MARCHF6: variants seen among roughly 807,000 people sequenced by gnomAD.
The protein encoded by MARCHF6 is membrane associated ring-CH-type finger 6, also known as E3 ubiquitin-protein ligase MARCHF6.
In MARCHF6, 31 loss-of-function variants were observed where a neutral mutation model predicts 133.7. The observed-to-expected ratio is 0.23, with a 90% CI of 0.17 to 0.31. The LOEUF is 0.31. Among genes scored for constraint, MARCHF6 ranks in the 10% least tolerant of loss-of-function variants. The probability of loss-of-function intolerance (pLI) is 1.00; values close to 1 mark genes in which losing one functional copy is unlikely to be tolerated. For synonymous variants in MARCHF6, 395 were observed against 402.5 expected (o/e 0.98, Z 0.22); for missense variants, 723 against 1,121.6 (o/e 0.64, Z 5.08).
In MARCHF6 at chr5:10,429,995, T is replaced by G; in HGVS notation, c.2609T>G (p.Phe870Cys). 1 of 1,613,618 alleles carries G rather than the reference T, an allele frequency of 6.2e-7. No individual in the cohort carries two copies. The highest frequency in any genetic ancestry group is 8.5e-7 in the Non-Finnish European group (1 of 1,179,538). ...MAILSFQVRQFKRLYEHIKND... is the reference protein window; with the variant it reads ...MAILSFQVRQCKRLYEHIKND... ...ATTTTGTCCTTCCAAGTCCGCCAGT[T>G]TAAGCGCCTTTATGAACATATTAAA... Residue 870 changes from phenylalanine to cysteine, a missense_variant, in exon 25 of 26, where the codon TTT becomes TGT. Coordinates refer to ENST00000274140, the MANE Select transcript of MARCHF6 (RefSeq NM_005885.4).
intron 4 of MARCHF6, among the ~76,000 whole-genome samples, chr5:10,385,096 G>A (rs531017389): frequency 3.3e-5 from 5 of 152,196 alleles, no homozygotes; most frequent in Non-Finnish European, 7.4e-5. Context: ...GCACAAAATC[G>A]TATGATTGCA....
intron 25 of MARCHF6, among the ~76,000 whole-genome samples, chr5:10,431,626 AGTGT>A (rs10574367): frequency 0.012 from 1,713 of 148,344 alleles, 24 homozygotes; most frequent in African/African-American, 0.027. Context: ...AGAGTGAGTG[AGTGT>A]GTGTGTGTGT....
At chr5:10,373,410 AGT>A (rs1215975413) in intron 1 of MARCHF6, among the ~76,000 whole-genome samples, 1 of 151,934 alleles carries the variant, frequency 6.6e-6, no homozygotes, top group Non-Finnish European at 1.5e-5. Context: ...TCCTGTGGTG[AGT>A]GTGCCCTGGA....
intron 17 of MARCHF6, among the ~76,000 whole-genome samples, chr5:10,407,595 A>G (rs1738970791): frequency 6.6e-6 from 1 of 152,214 alleles, no homozygotes. Context: ...CCAGAGTTGC[A>G]CATTTAATTA....
intron 15 of MARCHF6, among the ~76,000 whole-genome samples, chr5:10,403,855 G>A (rs960326628): frequency 6.6e-6 from 1 of 152,018 alleles, no homozygotes; most frequent in Non-Finnish European, 1.5e-5. Context: ...CAGACTCTTG[G>A]AATTTTGTAT....
At chr5:10,380,155 TTGTGTGTG>T (rs200405883) in intron 3 of MARCHF6, among the ~76,000 whole-genome samples, 373 of 145,848 alleles carry the variant, frequency 2.6e-3, no homozygotes, top group Middle Eastern at 3.5e-3. Flanking sequence ...TGTGTTTTAG[TTGTGTGTG>T]TGTGTGTGTG....
intron 25 of MARCHF6, 22 bp from the exon 26 acceptor site, chr5:10,433,572 C>G: frequency 6.4e-7 from 1 of 1,571,692 alleles, no homozygotes; most frequent in Non-Finnish European, 8.8e-7. Flanking sequence ...AAGAGAGTAA[C>G]CACCTTGTTT....
At chr5:10,388,405 T>C (rs1737616973) in intron 5 of MARCHF6, among the ~76,000 whole-genome samples, 1 of 152,248 alleles carries the variant, frequency 6.6e-6, no homozygotes, top group African/African-American at 2.4e-5. Flanking sequence ...CTTACCAGTT[T>C]CTATGTATTC....
Position 10,411,432 on chromosome 5 carries a change from T to G in MARCHF6, c.1791T>G (p.Ile597Met). ...AGCATGCTCGAAATAACAACGCTAT[T>G]CCTGTGGTGGGAGAAGGCCTTCATG... is the stretch of plus-strand genomic sequence containing the variant. ...NNQHARNNNA[I>M]PVVGEGLHAA... Residue 597 changes from isoleucine (I) to methionine (M), a missense_variant, in exon 19 of 26, where the codon ATT becomes ATG. This residue lies in a region of MARCHF6 where 492 missense variants were observed against 699.5 expected (regional missense o/e 0.70). Coordinates refer to ENST00000274140, the MANE Select transcript of MARCHF6 (RefSeq NM_005885.4). 1 of 1,614,216 alleles carries G rather than the reference T, an allele frequency of 6.2e-7. No homozygotes were observed. Among genetic ancestry groups the G allele is most frequent in the Non-Finnish European group, 8.5e-7 (1 of 1,180,020 alleles).
Position 10,394,636 on chromosome 5 carries a change from G to A in MARCHF6, c.829-117G>A. 4.1e-6 allele frequency: 3 copies of A among 724,446 alleles called. No individual in the cohort carries two copies. The South Asian group carries it at 5.0e-5, about 12-fold the overall frequency. The allele number at this position is 724,446 out of a possible 1,614,324, so 44.9% of individuals were successfully genotyped here. A position where few individuals can be genotyped will look rare whatever the true frequency, so the allele number is the denominator to read the frequency against. On this transcript the variant is annotated intron_variant, in intron 8 of 25. Coordinates refer to ENST00000274140, the MANE Select transcript of MARCHF6 (RefSeq NM_005885.4). ...ATGATAGGAAGTATTGGAAAGTATA[G>A]GAAGTGGGTGAGGACTGTGTTTAAA...
chr5:10,402,393 A>G lies in MARCHF6; in HGVS notation c.1063A>G (p.Thr355Ala), dbSNP rs1738596585. 3.1e-6 allele frequency: 5 copies of G among 1,613,824 alleles called. No individual in the cohort carries two copies. Among genetic ancestry groups the G allele is most frequent in the Middle Eastern group, 1.7e-4 (1 of 6,058 alleles). The change falls in exon 13 of 26, where the codon ACT (threonine) becomes GCT (alanine). Residue 355 changes from threonine to alanine, a missense_variant. Thr to Ala is a moderately conservative substitution (Grantham distance 58). This residue lies in a region of MARCHF6 where 492 missense variants were observed against 699.5 expected (regional missense o/e 0.70). Transcript: ENST00000274140. ...ITLIICHGLA[T>A]LVKFHRSRRL... ...TGACCTGATGCTGTAGGGCTTGGCA[A>G]CTCTTGTGAAATTTCATAGATCTCG...
At chr5:10,357,093 C>G (rs1478114872) in intron 1 of MARCHF6, among the ~76,000 whole-genome samples, 1 of 152,108 alleles carries the variant, frequency 6.6e-6, no homozygotes, top group Non-Finnish European at 1.5e-5. Context: ...TTTTAAACTT[C>G]AGAGCTATAG....
At chr5:10,365,768 C>A (rs1035822697) in intron 1 of MARCHF6, among the ~76,000 whole-genome samples, 2 of 151,928 alleles carry the variant, frequency 1.3e-5, no homozygotes, top group South Asian at 2.1e-4. Context: ...TACTTGGGGA[C>A]GAGAAAGGAA....
chr5:10,354,624 A>G (rs1735332058), intron 1 of MARCHF6: 1 of 152,170 alleles, frequency 6.6e-6, no homozygotes, highest in Non-Finnish European at 1.5e-5. Context: ...TAAGATATAA[A>G]CGTCCACACC....
chr5:10,407,799 C>CA lies in MARCHF6; in HGVS notation c.1553+604dup, dbSNP rs1738989869. 2.6e-5 allele frequency among the ~76,000 whole-genome samples: 4 copies of CA among 152,010 alleles called. No individual in the cohort carries two copies. In the East Asian group the frequency reaches 7.7e-4, roughly 29 times the overall value. ...AGAAACCCTGTCTCTACTAAAAATA[C>CA]AAAAAAATTAGCCATGCGTGGTGGC... On this transcript the variant is annotated intron_variant, in intron 17 of 25. Transcript: ENST00000274140.
intron 1 of MARCHF6, among the ~76,000 whole-genome samples, chr5:10,357,679 C>A (rs1366020571): frequency 6.6e-6 from 1 of 152,136 alleles, no homozygotes; most frequent in Non-Finnish European, 1.5e-5. Context: ...TTTCTTACCA[C>A]GCATTACCTT....
intron 3 of MARCHF6, 60 bp from the exon 4 acceptor site, chr5:10,381,740 T>G: frequency 1.5e-6 from 2 of 1,309,914 alleles, no homozygotes; most frequent in Non-Finnish European, 2.1e-6. Flanking sequence ...ATTTTATATT[T>G]ATGAATTAAG....
intron 17 of MARCHF6, among the ~76,000 whole-genome samples, chr5:10,407,814 T>C (rs896492545): frequency 4.0e-5 from 6 of 151,892 alleles, no homozygotes; most frequent in African/African-American, 1.5e-4. Flanking sequence ...AAATTAGCCA[T>C]GCGTGGTGGC....
intron 5 of MARCHF6, among the ~76,000 whole-genome samples, chr5:10,388,359 T>A (rs1308636657): frequency 6.6e-6 from 1 of 152,228 alleles, no homozygotes; most frequent in African/African-American, 2.4e-5. Flanking sequence ...ATAGAATTTT[T>A]TTTCTGTGAA....
Sources: gnomAD v4.1 joint callset for allele counts (sites outside exome capture counted in the v4.1 genomes callset) on GRCh38, gnomAD v4.1.1 for gene constraint, gnomAD v4.1.1 regional missense constraint, MANE v1.5 for transcripts, NCBI Gene and HGNC (gene_info 2026-07-23, HGNC 2026-07-21) for gene names.